Variants in ADAMTS2 observed in about 807,000 individuals in gnomAD.
The protein encoded by ADAMTS2 is A disintegrin and metalloproteinase with thrombospondin motifs 2.
ADAMTS2 carries 50 observed loss-of-function variants against 123.0 expected under a neutral mutation model. The observed-to-expected ratio is 0.41, with a 90% CI of 0.32 to 0.51. The LOEUF (loss-of-function observed/expected upper bound fraction) is 0.51, where lower values mean the gene tolerates loss of function less well. Ranked by LOEUF, ADAMTS2 falls within the 20% of genes least tolerant of loss-of-function variation. The pLI, the probability that ADAMTS2 is intolerant of heterozygous loss-of-function variation, is 0.35. For missense variants in ADAMTS2, 1,494 were observed against 1,705.2 expected (o/e 0.88, Z 2.18); for synonymous variants, 678 against 695.4 (o/e 0.98, Z 0.39).
rs182074541 is a variant in ADAMTS2, at chr5:179,164,160, C to T, written c.976-5281G>A. ...AGCTGCTTGTGCTTCCTCTCTCTCT[C>T]TGCCAACGTCCCAACATCTCCAAGG... is the stretch of plus-strand genomic sequence containing the variant. On this transcript the variant is annotated intron_variant, in intron 5 of 21. Transcript: ENST00000251582. Among the ~76,000 whole-genome samples the T allele has an allele frequency of 6.7e-3, 1,027 of 152,360 alleles. 21 individuals are homozygous for T. Among genetic ancestry groups the T allele is most frequent in the South Asian group, 0.052 (252 of 4,830 alleles).
chr5:179,266,288 T>C (rs186195660), intron 3 of ADAMTS2, among the ~76,000 whole-genome samples: 13 of 152,266 alleles, frequency 8.5e-5, no homozygotes, highest in Admixed American at 8.5e-4. Flanking sequence ...AGAAGAGACT[T>C]TGCAAATGTG....
intron 10 of ADAMTS2, among the ~76,000 whole-genome samples, chr5:179,151,374 TC>T: frequency 6.6e-6 from 1 of 152,268 alleles, no homozygotes; most frequent in South Asian, 2.1e-4. Flanking sequence ...GCTGGCCCAG[TC>T]CCGAGCCAAA....
At position 179,132,342 on chromosome 5, in the gene ADAMTS2, G is replaced by A. The variant is rs1218139575; in HGVS notation, c.2210-32C>T. 6.2e-7 allele frequency: 1 copy of A among 1,605,232 alleles called. No individual in the cohort carries two copies. The highest frequency in any genetic ancestry group is 1.7e-5 in the Admixed American group (1 of 59,950). Reference sequence around the variant, plus strand: ...TTGATGTGGAAAGACACAGAAAACTGAGAAGGGAAGGCGCCGCTCAAATTC... The same window carrying A: ...TTGATGTGGAAAGACACAGAAAACTAAGAAGGGAAGGCGCCGCTCAAATTC... On this transcript the variant is annotated intron_variant, in intron 14 of 21. Transcript: ENST00000251582. This position sits in a 1 kb window ranked among gnomAD's most constrained non-coding sequence, Gnocchi z 6.1.
rs868813411 is a variant in ADAMTS2, at chr5:179,228,339, C to A, written c.689-20624G>T. Among the ~76,000 whole-genome samples the A allele has an allele frequency of 4.6e-5, 7 of 152,218 alleles. No individual in the cohort carries two copies. Among genetic ancestry groups the A allele is most frequent in the African/African-American group, 1.7e-4 (7 of 41,464 alleles). On this transcript the variant is annotated intron_variant, in intron 3 of 21. Coordinates refer to ENST00000251582, the MANE Select transcript of ADAMTS2 (RefSeq NM_014244.5). This position sits in a 1 kb window ranked among gnomAD's most constrained non-coding sequence, Gnocchi z 5.2. ...AGGTGACAGGAACGGGCCAGGTGCA[C>A]GGACAGGGCTGTTCCTGACTCAGCT...
In ADAMTS2 at chr5:179,225,257, A is replaced by G. The variant is rs1189946962; in HGVS notation, c.689-17542T>C. Among the ~76,000 whole-genome samples, 3 of 152,340 alleles carry G rather than the reference A, an allele frequency of 2.0e-5. No homozygotes were observed. Among genetic ancestry groups the G allele is most frequent in the South Asian group, 2.1e-4 (1 of 4,824 alleles). On this transcript the variant is annotated intron_variant, in intron 3 of 21. Transcript: ENST00000251582. This position sits in a 1 kb window ranked among gnomAD's most constrained non-coding sequence, Gnocchi z 4.5. ...GACAAAGGACTAATTTCCTTAATAC[A>G]TAAAGCGCTCTTACAAATCAACAGG...
intron 21 of ADAMTS2, among the ~76,000 whole-genome samples, chr5:179,119,316 C>G (rs796158922): frequency 7.9e-5 from 12 of 152,224 alleles, no homozygotes; most frequent in African/African-American, 2.9e-4. Flanking sequence ...GGCTAGCCCC[C>G]GGGCCCGGCC....
chr5:179,250,524 G>A (rs1765895773), intron 3 of ADAMTS2, among the ~76,000 whole-genome samples: 1 of 152,180 alleles, frequency 6.6e-6, no homozygotes, highest in South Asian at 2.1e-4. Context: ...CTGAACTACA[G>A]CATATGTGAA....
rs1762565619 is a variant in ADAMTS2, at chr5:179,111,430, T to C, written c.*2437A>G. 1 of 152,298 alleles carries C rather than the reference T, an allele frequency of 6.6e-6. No homozygotes were observed. Among genetic ancestry groups the C allele is most frequent in the Non-Finnish European group, 1.5e-5 (1 of 68,088 alleles). The allele number at this position is 152,298 out of a possible 1,614,324, so 9.4% of individuals were successfully genotyped here. ...ATTTGCGTCGTTTCTCAGAGCCCGG[T>C]GAACGTTGGCATTCCTTGGACAGAC... is the stretch of plus-strand genomic sequence containing the variant. On this transcript the variant is annotated 3_prime_UTR_variant, in exon 22 of 22. Coordinates refer to ENST00000251582, the MANE Select transcript of ADAMTS2 (RefSeq NM_014244.5).
intron 5 of ADAMTS2, among the ~76,000 whole-genome samples, chr5:179,161,200 G>A (rs376303046): frequency 3.9e-5 from 6 of 152,310 alleles, no homozygotes; most frequent in Middle Eastern, 3.4e-3. Flanking sequence ...GGTAGTATCC[G>A]CCTCTGGGTA....
At chr5:179,184,509 T>TAAAAA (rs554713153) in intron 4 of ADAMTS2, among the ~76,000 whole-genome samples, 1 of 91,404 alleles carries the variant, frequency 1.1e-5, no homozygotes, top group Non-Finnish European at 2.2e-5. Flanking sequence ...AGACTCTGTC[T>TAAAAA]AAAAAAAAAA....
At position 179,180,555 on chromosome 5, in the gene ADAMTS2, TCCAGCGCCCATGTCC is replaced by T. The variant is rs1242687354; in HGVS notation, c.975+502_975+516del. Among the ~76,000 whole-genome samples, 1 of 152,084 alleles carries T rather than the reference TCCAGCGCCCATGTCC, an allele frequency of 6.6e-6. No homozygotes were observed. Among genetic ancestry groups the T allele is most frequent in the Non-Finnish European group, 1.5e-5 (1 of 68,018 alleles). On this transcript the variant is annotated intron_variant, in intron 5 of 21. Transcript: ENST00000251582. The surrounding 1 kb of genome is among the most constrained non-coding windows in gnomAD (Gnocchi z 4.6). ...CATTTTTCAGATACAAACCAACCAA[TCCAGCGCCCATGTCC>T]CCAGCCACCTCCTTTATCAGACTTC...
chr5:179,172,751 G>A (rs77729824), intron 5 of ADAMTS2, among the ~76,000 whole-genome samples: 18 of 152,320 alleles, frequency 1.2e-4, no homozygotes, highest in African/African-American at 2.6e-4. Context: ...AGGACTGAGC[G>A]TGACAGAGCC....
chr5:179,126,224 T>C, intron 17 of ADAMTS2, 94 bp from the exon 18 acceptor site: 2 of 1,543,426 alleles, frequency 1.3e-6, no homozygotes, highest in Non-Finnish European at 1.8e-6. Context: ...GCTGGCCTCG[T>C]TTTCCTGCTC....
intron 3 of ADAMTS2, among the ~76,000 whole-genome samples, chr5:179,213,393 G>T (rs1764905603): frequency 6.6e-6 from 1 of 152,172 alleles, no homozygotes; most frequent in African/African-American, 2.4e-5. Context: ...CTCAGATAGA[G>T]AACCCTGGGG....
At chr5:179,274,096 C>T (rs1246533970) in intron 2 of ADAMTS2, among the ~76,000 whole-genome samples, 1 of 151,368 alleles carries the variant, frequency 6.6e-6, no homozygotes, top group Non-Finnish European at 1.5e-5. Context: ...CCCTCCCCTG[C>T]CATCCAGCCT....
chr5:179,184,509 T>TCAAAAA (rs1290290563), intron 4 of ADAMTS2, among the ~76,000 whole-genome samples: 4 of 91,416 alleles, frequency 4.4e-5, no homozygotes, highest in African/African-American at 1.8e-4. Context: ...AGACTCTGTC[T>TCAAAAA]AAAAAAAAAA....
At position 179,303,463 on chromosome 5, in the gene ADAMTS2, C is replaced by T. The variant is rs555237276; in HGVS notation, c.535-30399G>A. On this transcript the variant is annotated intron_variant, in intron 2 of 21. Coordinates refer to ENST00000251582, the MANE Select transcript of ADAMTS2 (RefSeq NM_014244.5). This position sits in a 1 kb window ranked among gnomAD's most constrained non-coding sequence, Gnocchi z 4.7. ...ACTAGAATGTGAGGTTCAGCAAACC[C>T]GCAGAGTTTACTCTTCATTCTCTGG... Among the ~76,000 whole-genome samples the T allele has an allele frequency of 1.5e-3, 222 of 152,238 alleles. 2 individuals carry two copies. Among genetic ancestry groups the T allele is most frequent in the South Asian group, 0.01 (49 of 4,812 alleles).
At chr5:179,216,717 T>C (rs1247624217) in intron 3 of ADAMTS2, among the ~76,000 whole-genome samples, 2 of 152,260 alleles carry the variant, frequency 1.3e-5, no homozygotes, top group Non-Finnish European at 2.9e-5. Flanking sequence ...CTCCTTACAC[T>C]GCCAGCGTGT....
At chr5:179,281,993 C>A (rs1766926031) in intron 2 of ADAMTS2, among the ~76,000 whole-genome samples, 3 of 152,246 alleles carry the variant, frequency 2.0e-5, no homozygotes, top group South Asian at 4.2e-4. Flanking sequence ...TTAATAAGAC[C>A]ATTTTCTTTT....
Sources: allele counts gnomAD v4.1 joint callset (sites outside exome capture counted in the v4.1 genomes callset), GRCh38; gene constraint gnomAD v4.1.1; non-coding constraint Gnocchi (gnomAD v3.1); transcripts MANE v1.5; gene names NCBI Gene and HGNC (gene_info 2026-07-23, HGNC 2026-07-21).